Variants in CFAP20DC observed in about 807,000 individuals in gnomAD.
The protein encoded by CFAP20DC is protein CFAP20DC.
A neutral mutation model predicts 101.7 loss-of-function variants in CFAP20DC; 84 were observed. The ratio of observed to expected loss-of-function variants is 0.83; its 90% CI spans 0.69 to 0.99. The LOEUF (loss-of-function observed/expected upper bound fraction) is 0.99, where lower values mean the gene tolerates loss of function less well. Among genes scored for constraint, CFAP20DC ranks in the 50% least tolerant of loss-of-function variants. The pLI, the probability that CFAP20DC is intolerant of heterozygous loss-of-function variation, is 0.00. For synonymous variants in CFAP20DC, 359 were observed against 351.2 expected (o/e 1.02, Z -0.25); for missense variants, 1,007 against 970.3 (o/e 1.04, Z -0.50).
At chr3:58,801,806 C>T (rs746531461) in intron 15 of CFAP20DC, among the ~76,000 whole-genome samples, 2 of 152,166 alleles carry the variant, frequency 1.3e-5, no homozygotes, top group South Asian at 2.1e-4. Flanking sequence ...GTGTGTTTAT[C>T]ACACAAACAT....
chr3:58,748,488 G>C (rs574377038), intron 16 of CFAP20DC, among the ~76,000 whole-genome samples: 40 of 152,188 alleles, frequency 2.6e-4, no homozygotes, highest in African/African-American at 7.5e-4. Context: ...ATACTAGTGA[G>C]GCACTGATTT....
chr3:58,823,923 A>G (rs1215706100), intron 14 of CFAP20DC, among the ~76,000 whole-genome samples: 1 of 152,124 alleles, frequency 6.6e-6, no homozygotes, highest in Non-Finnish European at 1.5e-5. Flanking sequence ...TAAATTTGGG[A>G]CAATCATAAA....
intron 13 of CFAP20DC, among the ~76,000 whole-genome samples, chr3:58,839,474 A>G (rs1350499371): frequency 1.3e-5 from 2 of 152,216 alleles, no homozygotes; most frequent in African/African-American, 4.8e-5. Context: ...AAAGTCACAT[A>G]AAAGCTTCTG....
chr3:58,933,533 C>T (rs1247669762), intron 5 of CFAP20DC, among the ~76,000 whole-genome samples: 1 of 152,184 alleles, frequency 6.6e-6, no homozygotes, highest in Admixed American at 6.5e-5. Context: ...TAAAGCTCTC[C>T]TCAGCAAATG....
chr3:58,829,389 T>C (rs1378683118), intron 14 of CFAP20DC, among the ~76,000 whole-genome samples: 3 of 152,030 alleles, frequency 2.0e-5, no homozygotes, highest in Non-Finnish European at 4.4e-5. Context: ...TTCTTCTTTT[T>C]CACTGTCCCT....
chr3:59,021,974 TTAAAA>T (rs2108996352), intron 4 of CFAP20DC, among the ~76,000 whole-genome samples: 1 of 152,154 alleles, frequency 6.6e-6, no homozygotes, highest in Non-Finnish European at 1.5e-5. Flanking sequence ...CAAATGATCA[TTAAAA>T]TAAGTTGCTT....
intron 4 of CFAP20DC, among the ~76,000 whole-genome samples, chr3:59,036,654 C>A (rs2094109298): frequency 6.6e-6 from 1 of 152,124 alleles, no homozygotes; most frequent in African/African-American, 2.4e-5. Flanking sequence ...AGGACACAAA[C>A]AAATGGAAAA....
rs1292402085 is a variant in CFAP20DC, at chr3:58,899,655, T to C, written c.550+14053A>G. 6.6e-6 allele frequency among the ~76,000 whole-genome samples: 1 copy of C among 152,078 alleles called. No homozygotes were observed. The highest frequency in any genetic ancestry group is 1.5e-5 in the Non-Finnish European group (1 of 68,006). On this transcript the variant is annotated intron_variant, in intron 6 of 16. Coordinates refer to ENST00000482387, the MANE Select transcript of CFAP20DC (RefSeq NM_001394063.1). This position sits in a 1 kb window ranked among gnomAD's most constrained non-coding sequence, Gnocchi z 5.0. The stretch of plus-strand genomic sequence containing the variant: ...TCTCCTAATCTGCTGGTTGCAAAGA[T>C]CCGTGGGAGGGGTGTGGTTTCCTGG...
At chr3:58,784,729 G>C (rs2072164564) in intron 15 of CFAP20DC, among the ~76,000 whole-genome samples, 2 of 152,018 alleles carry the variant, frequency 1.3e-5, no homozygotes, top group South Asian at 4.1e-4. Flanking sequence ...TGAAGTTCTT[G>C]AGAAATGTCC....
intron 12 of CFAP20DC, among the ~76,000 whole-genome samples, chr3:58,858,580 T>C (rs1241612424): frequency 6.6e-6 from 1 of 152,222 alleles, no homozygotes; most frequent in East Asian, 1.9e-4. Flanking sequence ...TAGAACTCTA[T>C]TTAGCCTTTG....
rs2108506637 is a variant in CFAP20DC at position 58,868,081 on chromosome 3, A to G, written c.1016-145T>C. 5.2e-6 allele frequency: 5 copies of G among 958,202 alleles called. No homozygotes were observed. Among genetic ancestry groups the G allele is most frequent in the South Asian group, 2.0e-5 (1 of 49,482 alleles). 59.4% of individuals were successfully genotyped at this position (958,202 alleles called of 1,614,324 possible). A position where few individuals can be genotyped will look rare whatever the true frequency, so the allele number is the denominator to read the frequency against. On this transcript the variant is annotated intron_variant, in intron 9 of 16. Coordinates refer to ENST00000482387, the MANE Select transcript of CFAP20DC (RefSeq NM_001394063.1). The surrounding 1 kb of genome is among the most constrained non-coding windows in gnomAD (Gnocchi z 4.6). ...GAAGATACATCAAAAATACAACTTC[A>G]TAGAAAATAGGCATTTATTCCTATT...
chr3:58,913,902 C>A lies in CFAP20DC; in HGVS notation c.394-38G>T, dbSNP rs1336381787. The A allele has an allele frequency of 1.2e-6, 2 of 1,604,904 alleles. No individual in the cohort carries two copies. Among genetic ancestry groups the A allele is most frequent in the Non-Finnish European group, 1.7e-6 (2 of 1,173,320 alleles). The stretch of plus-strand genomic sequence containing the variant: ...GATGCAAAGAAGAGTAAGGACCTTT[C>A]ATCAACACATAAATGAACAAACCAT... On this transcript the variant is annotated intron_variant, in intron 5 of 16. Coordinates refer to ENST00000482387, the MANE Select transcript of CFAP20DC (RefSeq NM_001394063.1). This position sits in a 1 kb window ranked among gnomAD's most constrained non-coding sequence, Gnocchi z 4.4.
chr3:58,907,271 T>C (rs1361498871), intron 6 of CFAP20DC, among the ~76,000 whole-genome samples: 1 of 152,202 alleles, frequency 6.6e-6, no homozygotes, highest in Non-Finnish European at 1.5e-5. Flanking sequence ...CTGACAGGTC[T>C]GTGAAATCCA....
At chr3:58,778,652 C>G (rs1036534652) in intron 15 of CFAP20DC, among the ~76,000 whole-genome samples, 1 of 152,192 alleles carries the variant, frequency 6.6e-6, no homozygotes, top group African/African-American at 2.4e-5. Flanking sequence ...CTTAGAGGCC[C>G]AAGAATTGGC....
chr3:58,750,798 A>G (rs1485103763), intron 16 of CFAP20DC, among the ~76,000 whole-genome samples: 1 of 152,214 alleles, frequency 6.6e-6, no homozygotes, highest in Non-Finnish European at 1.5e-5. Flanking sequence ...TCTCTTCCAT[A>G]CATGAGGAAT....
rs775845440 is a variant in CFAP20DC at position 58,788,682 on chromosome 3, T to C, written c.2237+17713A>G. On this transcript the variant is annotated intron_variant, in intron 15 of 16. Transcript: ENST00000482387. The surrounding 1 kb of genome is among the most constrained non-coding windows in gnomAD (Gnocchi z 4.2). The stretch of plus-strand genomic sequence containing the variant: ...TATATTAGACACACATTTAGGGCAC[T>C]AATCTAGTATATAAATTGCACAGTT... 1.3e-5 allele frequency among the ~76,000 whole-genome samples: 2 copies of C among 152,136 alleles called. No homozygotes were observed. Among genetic ancestry groups the C allele is most frequent in the African/African-American group, 2.4e-5 (1 of 41,434 alleles).
intron 15 of CFAP20DC, among the ~76,000 whole-genome samples, chr3:58,791,451 A>G (rs1460756867): frequency 1.3e-5 from 2 of 152,148 alleles, no homozygotes; most frequent in African/African-American, 4.8e-5. Context: ...TTCTAGAGAC[A>G]GTTTTTTAAA....
rs773897268 is a variant in CFAP20DC at position 58,870,249 on chromosome 3, T to C, written c.776A>G (p.His259Arg). 5 of 1,613,914 alleles carry C rather than the reference T, an allele frequency of 3.1e-6. No homozygotes were observed. The highest frequency in any genetic ancestry group is 4.2e-6 in the Non-Finnish European group (5 of 1,179,886). Reference sequence around the variant, plus strand: ...AAGAACTTTGGATCCAAATGCGATATGACAAACATCTTGATTTTTACTGTT... The same window carrying C: ...AAGAACTTTGGATCCAAATGCGATACGACAAACATCTTGATTTTTACTGTT... ...TRNSKNQDVCHIAFGSKVLGP... is the reference protein window; with the variant it reads ...TRNSKNQDVCRIAFGSKVLGP... Residue 259 changes from histidine (H) to arginine (R), a missense_variant, in exon 8 of 17, where the codon CAT (histidine) becomes CGT (arginine). His to Arg is a conservative substitution (Grantham distance 29). Transcript: ENST00000482387.
chr3:58,984,795 CT>C (rs1559943548), intron 4 of CFAP20DC, among the ~76,000 whole-genome samples: 1 of 152,190 alleles, frequency 6.6e-6, no homozygotes, highest in African/African-American at 2.4e-5. Context: ...TATTACTGAA[CT>C]TCTCTGAGGC....
Sources: allele counts gnomAD v4.1 joint callset (sites outside exome capture counted in the v4.1 genomes callset), GRCh38; gene constraint gnomAD v4.1.1; non-coding constraint Gnocchi (gnomAD v3.1); transcripts MANE v1.5; gene names NCBI Gene and HGNC (gene_info 2026-07-23, HGNC 2026-07-21).